The following CFAP58 variants were observed in gnomAD, a reference collection of about 807,000 sequenced individuals.
CFAP58 encodes the protein cilia- and flagella-associated protein 58.
A neutral mutation model predicts 119.5 loss-of-function variants in CFAP58; 88 were observed. The observed-to-expected ratio is 0.74, with a 90% confidence interval of 0.62 to 0.88. The LOEUF is 0.88. Among genes scored for constraint, CFAP58 ranks in the 40% least tolerant of loss-of-function variants. The pLI is 0.00. For synonymous variants in CFAP58, 365 were observed against 366.3 expected (o/e 1.00, Z 0.04); for missense variants, 990 against 1,021.2 (o/e 0.97, Z 0.42).
chr10:104,425,634 C>T lies in CFAP58; in HGVS notation c.2256+18841C>T, dbSNP rs1002947630. Among the ~76,000 whole-genome samples, 3 of 152,184 alleles carry T rather than the reference C, an allele frequency of 2.0e-5. No homozygotes were observed. In the South Asian group the frequency reaches 6.2e-4, roughly 32 times the overall value. ...TGAGGAAGCTGATGCTCAGAGTGAT[C>T]AAGTAACATGGCTAAGGTCACATAG... On this transcript the variant is annotated intron_variant, in intron 15 of 17. Transcript: ENST00000369704.
chr10:104,406,078 C>T (rs1322078274), intron 14 of CFAP58, among the ~76,000 whole-genome samples: 1 of 152,180 alleles, frequency 6.6e-6, no homozygotes, highest in Non-Finnish European at 1.5e-5. Flanking sequence ...GCCTGGGCAA[C>T]AGAGTGAGAC....
At chr10:104,372,406 T>G (rs955090752) in intron 7 of CFAP58, among the ~76,000 whole-genome samples, 1 of 151,924 alleles carries the variant, frequency 6.6e-6, no homozygotes, top group Admixed American at 6.6e-5. Context: ...GTCACTTAGG[T>G]CTTTGTAGAT....
intron 12 of CFAP58, among the ~76,000 whole-genome samples, chr10:104,400,328 G>A (rs1236001061): frequency 6.6e-6 from 1 of 152,080 alleles, no homozygotes. Flanking sequence ...TATATTTTTA[G>A]TAGAGATGGG....
chr10:104,353,829 T>G (rs764726960), upstream of CFAP58: 3 of 1,572,508 alleles, frequency 1.9e-6, no homozygotes, highest in Non-Finnish European at 2.6e-6. Flanking sequence ...TTAGCTTCTT[T>G]CCCAGACTCC....
chr10:104,436,242 T>C (rs2012932196), intron 15 of CFAP58, among the ~76,000 whole-genome samples: 1 of 152,222 alleles, frequency 6.6e-6, no homozygotes, highest in Admixed American at 6.5e-5. Flanking sequence ...TGTTTTATAA[T>C]GTAAATAATT....
intron 7 of CFAP58, 134 bp downstream of exon 7, chr10:104,371,188 A>T: frequency 1.3e-6 from 1 of 772,168 alleles, no homozygotes; most frequent in Non-Finnish European, 2.0e-6. Context: ...CACACTGGTA[A>T]ACAGTCAATA....
intron 9 of CFAP58, among the ~76,000 whole-genome samples, chr10:104,384,833 T>A (rs1025826168): frequency 6.6e-6 from 1 of 151,856 alleles, no homozygotes; most frequent in Non-Finnish European, 1.5e-5. Flanking sequence ...GTGAGAAAAG[T>A]AACAGGAAGT....
intron 12 of CFAP58, among the ~76,000 whole-genome samples, chr10:104,399,792 A>G (rs2012230004): frequency 6.6e-6 from 1 of 152,120 alleles, no homozygotes; most frequent in African/African-American, 2.4e-5. Flanking sequence ...TTGCTCACAT[A>G]TAATTGCAAT....
At position 104,393,446 on chromosome 10, in the gene CFAP58, C is replaced by T. The variant is rs138726534; in HGVS notation, c.1645C>T (p.Arg549Ter). 2.9e-5 allele frequency: 46 copies of T among 1,613,364 alleles called. No individual in the cohort carries two copies. The highest frequency in any genetic ancestry group is 3.3e-5 in the South Asian group (3 of 91,020). Residue 549 changes from arginine (R) to a stop codon, truncating the protein, a stop_gained, in exon 11 of 18, where the codon CGA becomes TGA. Transcript: ENST00000369704. LOFTEE classifies it high-confidence loss of function. ...TGTGAAGCTGCACCTGGAACAGCAG[C>T]GAATAGAAAAGGAAAAGGAAACATT... ...ALVKLHLEQQ[R>*]IEKEKETLKA... is the part of the protein sequence containing the mutation.
rs11192027 is a variant in CFAP58, at chr10:104,379,357, C to T, written c.1174-672C>T. Among the ~76,000 whole-genome samples the T allele has an allele frequency of 9.2e-3, 1,405 of 152,308 alleles. 7 individuals are homozygous for T. Among genetic ancestry groups the T allele is most frequent in the South Asian group, 0.021 (101 of 4,826 alleles). On this transcript the variant is annotated intron_variant, in intron 8 of 17. Coordinates refer to ENST00000369704, the MANE Select transcript of CFAP58 (RefSeq NM_001008723.2). Reference sequence around the variant, plus strand: ...CGCATCAGTACTTCATTTCTTTTTACGGCTGAATGCTATTCCACTGTGTGG... The same window carrying T: ...CGCATCAGTACTTCATTTCTTTTTATGGCTGAATGCTATTCCACTGTGTGG...
chr10:104,353,985 C>T, intron 1 of CFAP58, 79 bp downstream of exon 1: 1 of 1,531,280 alleles, frequency 6.5e-7, no homozygotes. Flanking sequence ...TTGTCACAAA[C>T]GGTGATTCCA....
upstream of CFAP58, among the ~76,000 whole-genome samples, chr10:104,349,781 C>A (rs1319667519): frequency 2.0e-5 from 3 of 152,134 alleles, no homozygotes; most frequent in Non-Finnish European, 2.9e-5. Flanking sequence ...AAAAGGTAGT[C>A]TGGGGAAGTG....
intron 17 of CFAP58, among the ~76,000 whole-genome samples, chr10:104,453,408 T>C (rs939289645): frequency 2.0e-5 from 3 of 152,258 alleles, no homozygotes; most frequent in African/African-American, 2.4e-5. Flanking sequence ...TCTCCACATA[T>C]GCCCTTAACA....
chr10:104,454,221 C>G (rs1329703617), intron 17 of CFAP58, among the ~76,000 whole-genome samples: 1 of 152,022 alleles, frequency 6.6e-6, no homozygotes, highest in Non-Finnish European at 1.5e-5. Flanking sequence ...ATTAGGAGAG[C>G]ATATTTTGCA....
rs373265826 is a variant in CFAP58, at chr10:104,439,283, A to G, written c.2257-8415A>G. ...TGCTTTATAGCTATATATGCTATGT[A>G]TTTTCTTTTGTATGATTTTTACATA... On this transcript the variant is annotated intron_variant, in intron 15 of 17. Coordinates refer to ENST00000369704, the MANE Select transcript of CFAP58 (RefSeq NM_001008723.2). Among the ~76,000 whole-genome samples the G allele has an allele frequency of 7.9e-5, 12 of 152,236 alleles. No homozygotes were observed. The East Asian group carries it at 1.5e-3, about 20-fold the overall frequency.
At chr10:104,426,833 A>G (rs1050035925) in intron 15 of CFAP58, among the ~76,000 whole-genome samples, 1 of 152,206 alleles carries the variant, frequency 6.6e-6, no homozygotes, top group African/African-American at 2.4e-5. Context: ...TGGGGTTTCT[A>G]GGTATGTAAT....
chr10:104,357,800 T>A (rs191170557), intron 1 of CFAP58, among the ~76,000 whole-genome samples: 2 of 142,040 alleles, frequency 1.4e-5, no homozygotes, highest in Admixed American at 1.3e-4. Flanking sequence ...TACATATATA[T>A]ACACACATAT....
intron 9 of CFAP58, among the ~76,000 whole-genome samples, chr10:104,383,253 G>A (rs1005861882): frequency 6.6e-6 from 1 of 152,134 alleles, no homozygotes; most frequent in African/African-American, 2.4e-5. Context: ...ATTTGTTAAT[G>A]TCTCTGGAAT....
Position 104,447,797 on chromosome 10 carries a change from G to T in CFAP58, c.2356G>T (p.Asp786Tyr). 1 of 1,613,570 alleles carries T rather than the reference G, an allele frequency of 6.2e-7. No individual in the cohort carries two copies. The highest frequency in any genetic ancestry group is 1.1e-5 in the South Asian group (1 of 91,002). The change falls in exon 16 of 18, where the codon GAC becomes TAC. Residue 786 changes from aspartate to tyrosine, a missense_variant. By Grantham distance (160) the Asp-to-Tyr change is radical (BLOSUM62 -3). Coordinates refer to ENST00000369704, the MANE Select transcript of CFAP58 (RefSeq NM_001008723.2). ...QLKLYRRTLH[D>Y]KKQQLKVLSS... is the part of the protein sequence containing the mutation. ...GAAGCTGTACCGACGCACGCTGCAT[G>T]ACAAGAAGCAGCAGCTGAAAGTAAG...
Sources: allele counts gnomAD v4.1 joint callset (sites outside exome capture counted in the v4.1 genomes callset), GRCh38; gene constraint gnomAD v4.1.1; transcripts MANE v1.5; gene names NCBI Gene and HGNC (gene_info 2026-07-23, HGNC 2026-07-21).